Variants in ADARB2 observed in about 807,000 individuals in gnomAD.
ADARB2 encodes the protein adenosine deaminase RNA specific B2 (inactive).
A neutral mutation model predicts 62.2 loss-of-function variants in ADARB2; 25 were observed. The observed-to-expected ratio is 0.40, with a 90% confidence interval of 0.29 to 0.56. The LOEUF is 0.56. Ranked by LOEUF, ADARB2 falls within the 20% of genes least tolerant of loss-of-function variation. The probability of loss-of-function intolerance (pLI) is 0.43; values close to 1 mark genes in which losing one functional copy is unlikely to be tolerated. For missense variants in ADARB2, 1,071 were observed against 1,077.4 expected (o/e 0.99, Z 0.08); for synonymous variants, 572 against 500.8 (o/e 1.14, Z -1.90).
intron 1 of ADARB2, among the ~76,000 whole-genome samples, chr10:1,438,796 T>C (rs12761479): frequency 9.2e-3 from 563 of 60,944 alleles, no homozygotes; most frequent in Middle Eastern, 0.047. Context: ...AGGCCCTTCA[T>C]GATGGGGCTC....
At chr10:1,488,692 G>C (rs1431096156) in intron 1 of ADARB2, among the ~76,000 whole-genome samples, 1 of 152,184 alleles carries the variant, frequency 6.6e-6, no homozygotes, top group Non-Finnish European at 1.5e-5. Context: ...CCTCACACTG[G>C]AATATTCTGC....
At chr10:1,272,592 A>G (rs1208979905) in intron 3 of ADARB2, among the ~76,000 whole-genome samples, 3 of 152,298 alleles carry the variant, frequency 2.0e-5, no homozygotes, top group South Asian at 2.1e-4. Flanking sequence ...GATGTCAGCT[A>G]CTTTTCCCAC....
chr10:1,444,311 A>ATCCATCCC (rs760099921), intron 1 of ADARB2, among the ~76,000 whole-genome samples: 1 of 95,862 alleles, frequency 1.0e-5, no homozygotes, highest in African/African-American at 5.1e-5. Context: ...CCATCCATCC[A>ATCCATCCC]CTCATTCATC....
At chr10:1,334,646 CTG>C (rs1334286999) in intron 3 of ADARB2, among the ~76,000 whole-genome samples, 1 of 152,170 alleles carries the variant, frequency 6.6e-6, no homozygotes, top group African/African-American at 2.4e-5. Flanking sequence ...CGATTATTTT[CTG>C]TGTTATTTGA....
chr10:1,566,063 C>CAAAAAAAAAA lies in ADARB2; in HGVS notation c.100+170978_100+170987dup, dbSNP rs376967105. On this transcript the variant is annotated intron_variant, in intron 1 of 9. Transcript: ENST00000381312. ...CTCCTCTAGGTTGAGCTCAGTCTAG[C>CAAAAAAAAAA]AAAAAAAAAAAAAAAAAAAAAAAAA... Among the ~76,000 whole-genome samples, 4 of 128,060 alleles carry CAAAAAAAAAA rather than the reference C, an allele frequency of 3.1e-5. 1 individual carries two copies. Among genetic ancestry groups the CAAAAAAAAAA allele is most frequent in the African/African-American group, 1.2e-4 (4 of 33,438 alleles). The allele number at this position is 128,060 out of a possible 152,430, so 84.0% of individuals were successfully genotyped here. A position where few individuals can be genotyped will look rare whatever the true frequency, so the allele number is the denominator to read the frequency against.
chr10:1,368,877 C>T (rs560391948), intron 2 of ADARB2, among the ~76,000 whole-genome samples: 2 of 76,358 alleles, frequency 2.6e-5, no homozygotes, highest in East Asian at 3.9e-4. Flanking sequence ...CTGTGGCAGT[C>T]GTGGGGCCGG....
At chr10:1,186,668 G>A (rs938796650) in intron 8 of ADARB2, 9 of 460,870 alleles carry the variant, frequency 2.0e-5, no homozygotes, top group African/African-American at 8.0e-5. Context: ...CATGCATCAC[G>A]TGAGATGGCG....
intron 1 of ADARB2, among the ~76,000 whole-genome samples, chr10:1,380,044 A>T (rs1832468885): frequency 6.6e-6 from 1 of 152,210 alleles, no homozygotes; most frequent in Non-Finnish European, 1.5e-5. Context: ...GGAGATTTCC[A>T]CCACCTAAAT....
At chr10:1,660,938 A>G (rs1481228278) in intron 1 of ADARB2, among the ~76,000 whole-genome samples, 1 of 152,202 alleles carries the variant, frequency 6.6e-6, no homozygotes, top group Non-Finnish European at 1.5e-5. Flanking sequence ...CAGCATGACC[A>G]GAAACATTCC....
intron 1 of ADARB2, among the ~76,000 whole-genome samples, chr10:1,424,753 C>T (rs143846664): frequency 8.4e-4 from 128 of 152,182 alleles, no homozygotes; most frequent in African/African-American, 2.7e-3. Flanking sequence ...TGCTCTGCTG[C>T]GGAAAGCATC....
intron 1 of ADARB2, among the ~76,000 whole-genome samples, chr10:1,626,841 A>G (rs915232460): frequency 8.5e-5 from 13 of 152,080 alleles, no homozygotes; most frequent in Non-Finnish European, 1.5e-4. Context: ...AAATGCAAAA[A>G]CCACAGTTAC....
intron 1 of ADARB2, among the ~76,000 whole-genome samples, chr10:1,583,863 A>G (rs1833138776): frequency 6.6e-6 from 1 of 152,230 alleles, no homozygotes; most frequent in Admixed American, 6.5e-5. Context: ...ATAGACCCAC[A>G]CAAATACAGG....
intron 4 of ADARB2, among the ~76,000 whole-genome samples, chr10:1,243,126 T>C (rs753083639): frequency 6.6e-6 from 1 of 152,180 alleles, no homozygotes; most frequent in East Asian, 1.9e-4. Context: ...TCCGTGTCAT[T>C]AGACGGGTCA....
intron 3 of ADARB2, among the ~76,000 whole-genome samples, chr10:1,328,619 G>A (rs1394207369): frequency 6.6e-6 from 1 of 152,094 alleles, no homozygotes; most frequent in African/African-American, 2.4e-5. Flanking sequence ...ACAGAACAGA[G>A]GGGATGGGAT....
chr10:1,259,569 G>A (rs1191500258), intron 4 of ADARB2, among the ~76,000 whole-genome samples: 10 of 152,108 alleles, frequency 6.6e-5, no homozygotes, highest in East Asian at 1.9e-4. Flanking sequence ...TAAATTCCTC[G>A]ACACATACAC....
intron 1 of ADARB2, among the ~76,000 whole-genome samples, chr10:1,583,853 A>G (rs1409903291): frequency 2.6e-5 from 4 of 152,228 alleles, no homozygotes; most frequent in Non-Finnish European, 5.9e-5. Context: ...GAACCCAGAA[A>G]TAGACCCACA....
intron 1 of ADARB2, among the ~76,000 whole-genome samples, chr10:1,671,815 G>A (rs953081662): frequency 6.6e-6 from 1 of 151,166 alleles, no homozygotes; most frequent in African/African-American, 2.4e-5. Context: ...CTGACACCAC[G>A]TCGCACCGAG....
At chr10:1,194,513 T>C (rs1454877042) in intron 8 of ADARB2, among the ~76,000 whole-genome samples, 4 of 104,636 alleles carry the variant, frequency 3.8e-5, no homozygotes, top group Non-Finnish European at 7.9e-5. Context: ...ATCTATCTAT[T>C]ATCTATCTAT....
At chr10:1,474,464 G>C (rs924576015) in intron 1 of ADARB2, among the ~76,000 whole-genome samples, 1 of 152,184 alleles carries the variant, frequency 6.6e-6, no homozygotes, top group Non-Finnish European at 1.5e-5. Context: ...CCTCTTCTGC[G>C]GGCTAGGAGG....
Sources: gnomAD v4.1 joint callset for allele counts (sites outside exome capture counted in the v4.1 genomes callset) on GRCh38, gnomAD v4.1.1 for gene constraint, MANE v1.5 for transcripts, NCBI Gene and HGNC (gene_info 2026-07-23, HGNC 2026-07-21) for gene names.